The following PSMB9 variants were observed in gnomAD, a reference collection of about 807,000 sequenced individuals.
The protein encoded by PSMB9 is proteasome 20S subunit beta 9.
PSMB9 carries 16 observed loss-of-function variants against 26.9 expected under a neutral mutation model. That is an observed-to-expected ratio of 0.59 (90% CI 0.40 to 0.90). The LOEUF (loss-of-function observed/expected upper bound fraction) is 0.90, where lower values mean the gene tolerates loss of function less well. Ranked by LOEUF, PSMB9 falls within the 40% of genes least tolerant of loss-of-function variation. The pLI, the probability that PSMB9 is intolerant of heterozygous loss-of-function variation, is 0.00. For synonymous variants in PSMB9, 91 were observed against 112.0 expected (o/e 0.81, Z 1.18); for missense variants, 253 against 292.2 (o/e 0.87, Z 0.98).
At position 32,855,569 on chromosome 6, in the gene PSMB9, T is replaced by G. The variant is rs183678271; in HGVS notation, c.61-569T>G. On this transcript the variant is annotated intron_variant, in intron 1 of 5. Transcript: ENST00000374859. ...TCAACCATCTGTATGTGTTCCTTGC[T>G]GCTTCTCTCCTGCCTTGCCCCTGGC... Among the ~76,000 whole-genome samples, 20 of 152,318 alleles carry G rather than the reference T, an allele frequency of 1.3e-4. No homozygotes were observed. The East Asian group carries it at 3.9e-3, about 29-fold the overall frequency.
At chr6:32,857,908 TAC>T in intron 3 of PSMB9, 95 bp from the exon 4 acceptor site, 1 of 1,453,132 alleles carries the variant, frequency 6.9e-7, no homozygotes, top group African/African-American at 1.4e-5. Flanking sequence ...CTATTGCAGT[TAC>T]AGTTTTCAGG....
chr6:32,859,048 T>C lies in PSMB9; in HGVS notation c.533-357T>C, dbSNP rs1477536058. ...GCCTAGGTGACAGAGAGAGACCCTG[T>C]CTGGAGAAAAAAAAAAAAAAAAAGA... is the stretch of plus-strand genomic sequence containing the variant. On this transcript the variant is annotated intron_variant, in intron 5 of 5. Coordinates refer to ENST00000374859, the MANE Select transcript of PSMB9 (RefSeq NM_002800.5). 59 of 181,436 alleles carry C rather than the reference T, an allele frequency of 3.3e-4. 1 individual carries two copies. Among genetic ancestry groups the C allele is most frequent in the Admixed American group, 2.1e-3 (30 of 14,594 alleles). 11.2% of individuals were successfully genotyped at this position (181,436 alleles called of 1,614,324 possible).
rs899595530 is a variant in PSMB9 at position 32,858,354 on chromosome 6, C to T, written c.391-10C>T. 6.2e-7 allele frequency: 1 copy of T among 1,612,784 alleles called. No homozygotes were observed. Among genetic ancestry groups the T allele is most frequent in the Middle Eastern group, 1.7e-4 (1 of 6,004 alleles). On this transcript the variant is annotated splice_polypyrimidine_tract_variant and intron_variant, in intron 4 of 5. Coordinates refer to ENST00000374859, the MANE Select transcript of PSMB9 (RefSeq NM_002800.5). The surrounding 1 kb of genome is among the most constrained non-coding windows in gnomAD (Gnocchi z 5.2). ...TTGATGATTCTTTAACCTGAGGATCCCTTTCCCAGGTATATGGAACCCTGG... is the reference window on the plus strand; with the variant it reads ...TTGATGATTCTTTAACCTGAGGATCTCTTTCCCAGGTATATGGAACCCTGG...
In PSMB9 at chr6:32,858,097, T is replaced by G. The variant is rs775015825; in HGVS notation, c.353T>G (p.Leu118Arg). 3 of 1,613,120 alleles carry G rather than the reference T, an allele frequency of 1.9e-6. No homozygotes were observed. The highest frequency in any genetic ancestry group is 1.7e-6 in the Non-Finnish European group (2 of 1,180,046). ...YKYREDLSAH[L>R]MVAGWDQREG... is the part of the protein sequence containing the mutation. ...TATCGAGAGGACTTGTCTGCACATC[T>G]CATGGTAGCTGGCTGGGACCAACGT... Residue 118 changes from leucine to arginine, a missense_variant, in exon 4 of 6, where the codon CTC becomes CGC. Transcript: ENST00000374859. This position sits in a 1 kb window ranked among gnomAD's most constrained non-coding sequence, Gnocchi z 5.2.
rs769219403 is a variant in PSMB9 at position 32,858,096 on chromosome 6, C to T, written c.352C>T (p.Leu118Phe). Residue 118 changes from leucine (L) to phenylalanine (F), a missense_variant, in exon 4 of 6, where the codon CTC becomes TTC. By Grantham distance (22) the Leu-to-Phe change is conservative. Coordinates refer to ENST00000374859, the MANE Select transcript of PSMB9 (RefSeq NM_002800.5). The surrounding 1 kb of genome is among the most constrained non-coding windows in gnomAD (Gnocchi z 5.2). ...YKYREDLSAHLMVAGWDQREG... is the reference protein window; with the variant it reads ...YKYREDLSAHFMVAGWDQREG... ...ATATCGAGAGGACTTGTCTGCACAT[C>T]TCATGGTAGCTGGCTGGGACCAACG... is the stretch of plus-strand genomic sequence containing the variant. 1.2e-6 allele frequency: 2 copies of T among 1,613,104 alleles called. No homozygotes were observed. Among genetic ancestry groups the T allele is most frequent in the Non-Finnish European group, 8.5e-7 (1 of 1,180,038 alleles).
At position 32,854,699 on chromosome 6, in the gene PSMB9, T is replaced by C. The variant is rs557274801; in HGVS notation, c.60+410T>C. ...GAACAGCACTTGGGAGAAGGAAATA[T>C]AGGCACTTATTGAGAAGGACCAACT... On this transcript the variant is annotated intron_variant, in intron 1 of 5. Coordinates refer to ENST00000374859, the MANE Select transcript of PSMB9 (RefSeq NM_002800.5). This position sits in a 1 kb window ranked among gnomAD's most constrained non-coding sequence, Gnocchi z 4.6. 1.5e-4 allele frequency among the ~76,000 whole-genome samples: 23 copies of C among 152,286 alleles called. No homozygotes were observed. In the South Asian group the frequency reaches 4.4e-3, roughly 29 times the overall value.
At chr6:32,857,714 A>G (rs1041419048) in intron 3 of PSMB9, 3 of 537,838 alleles carry the variant, frequency 5.6e-6, no homozygotes, top group African/African-American at 1.9e-5. Context: ...CATACGAGAA[A>G]TCAAGGTCGT....
At chr6:32,856,335 C>A in intron 2 of PSMB9, 130 bp downstream of exon 2, 1 of 890,696 alleles carries the variant, frequency 1.1e-6, no homozygotes, top group East Asian at 2.5e-5. Flanking sequence ...TCCCCAAAAG[C>A]CACTATGATA....
Position 32,858,610 on chromosome 6 carries a change from A to G in PSMB9, c.532+105A>G. On this transcript the variant is annotated intron_variant, in intron 5 of 5. Transcript: ENST00000374859. The surrounding 1 kb of genome is among the most constrained non-coding windows in gnomAD (Gnocchi z 5.2). Reference sequence around the variant, plus strand: ...AATACAGGGGTGGCCATTTAAGTTAATGCCGGGCCTGGTACACTTTTAAGA... The same window carrying G: ...AATACAGGGGTGGCCATTTAAGTTAGTGCCGGGCCTGGTACACTTTTAAGA... 6.9e-7 allele frequency: 1 copy of G among 1,459,370 alleles called. No individual in the cohort carries two copies. The highest frequency in any genetic ancestry group is 2.3e-5 in the East Asian group (1 of 43,544). 90.4% of individuals were successfully genotyped at this position (1,459,370 alleles called of 1,614,324 possible).
chr6:32,857,338 A>G lies in PSMB9; in HGVS notation c.204A>G (p.Ser68=), dbSNP rs1297953635. 1 of 1,612,718 alleles carries G rather than the reference A, an allele frequency of 6.2e-7. No homozygotes were observed. The highest frequency in any genetic ancestry group is 1.3e-5 in the African/African-American group (1 of 74,886). The change falls in exon 3 of 6, where the codon TCA becomes TCG. Residue 68 remains serine, a synonymous_variant. Transcript: ENST00000374859. ...HERIYCALSG[S]AADAQAVADM... ...GCATCTACTGTGCACTCTCTGGTTC[A>G]GCTGCTGATGCCCAAGCCGTGGCCG...
rs1771043070 is a variant in PSMB9, at chr6:32,854,332, A to T, written c.60+43A>T. 4.2e-6 allele frequency: 6 copies of T among 1,434,390 alleles called. No homozygotes were observed. Among genetic ancestry groups the T allele is most frequent in the South Asian group, 2.9e-5 (2 of 68,494 alleles). 88.9% of individuals were successfully genotyped at this position (1,434,390 alleles called of 1,614,324 possible). A position where few individuals can be genotyped will look rare whatever the true frequency, so the allele number is the denominator to read the frequency against. On this transcript the variant is annotated intron_variant, in intron 1 of 5. Coordinates refer to ENST00000374859, the MANE Select transcript of PSMB9 (RefSeq NM_002800.5). This position sits in a 1 kb window ranked among gnomAD's most constrained non-coding sequence, Gnocchi z 4.6. ...GAGGGTTGGCAGAGGGGTGGAGGAGATGCAGCGGCCAGGGGACCCTGGAAG... is the reference window on the plus strand; with the variant it reads ...GAGGGTTGGCAGAGGGGTGGAGGAGTTGCAGCGGCCAGGGGACCCTGGAAG...
Position 32,854,307 on chromosome 6 carries a change from G to A in PSMB9, c.60+18G>A, listed in dbSNP as rs1207915516. ...ACACCGGGGTAATGGGTCTGGGCTT[G>A]AGGGTTGGCAGAGGGGTGGAGGAGA... On this transcript the variant is annotated intron_variant, in intron 1 of 5. Transcript: ENST00000374859. The surrounding 1 kb of genome is among the most constrained non-coding windows in gnomAD (Gnocchi z 4.6). The A allele has an allele frequency of 6.8e-7, 1 of 1,473,020 alleles. No individual in the cohort carries two copies. The highest frequency in any genetic ancestry group is 9.0e-7 in the Non-Finnish European group (1 of 1,114,036). 91.2% of individuals were successfully genotyped at this position (1,473,020 alleles called of 1,614,324 possible).
In PSMB9 at chr6:32,858,878, C is replaced by A; in HGVS notation, c.532+373C>A. 9 of 299,320 alleles carry A rather than the reference C, an allele frequency of 3.0e-5. No individual in the cohort carries two copies. Among genetic ancestry groups the A allele is most frequent in the South Asian group, 1.8e-4 (5 of 27,840 alleles). The allele number at this position is 299,320 out of a possible 1,614,324, so 18.5% of individuals were successfully genotyped here. ...GGTGAAACCCTGTCTCCACAAAAAA[C>A]AATAAAAAAAAGTAAAAAAAAAAAT... On this transcript the variant is annotated intron_variant, in intron 5 of 5. Coordinates refer to ENST00000374859, the MANE Select transcript of PSMB9 (RefSeq NM_002800.5). The surrounding 1 kb of genome is among the most constrained non-coding windows in gnomAD (Gnocchi z 5.2).
chr6:32,859,237 C>G (rs1343874045), intron 5 of PSMB9, among the ~76,000 whole-genome samples, 168 bp from the exon 6 acceptor site: 1 of 152,118 alleles, frequency 6.6e-6, no homozygotes, highest in Non-Finnish European at 1.5e-5. Context: ...CATATGGAAG[C>G]CTTTTTGTAA....
In PSMB9 at chr6:32,854,269, G is replaced by T. The variant is rs765610201; in HGVS notation, c.40G>T (p.Ala14Ser). The T allele has an allele frequency of 6.6e-7, 1 of 1,522,378 alleles. No individual in the cohort carries two copies. The highest frequency in any genetic ancestry group is 2.3e-5 in the Admixed American group (1 of 44,414). 94.3% of individuals were successfully genotyped at this position (1,522,378 alleles called of 1,614,324 possible). Residue 14 changes from alanine (A) to serine (S), a missense_variant, in exon 1 of 6, where the codon GCG becomes TCG. Ala to Ser is a moderately conservative substitution (Grantham distance 99, BLOSUM62 1). Transcript: ENST00000374859. The surrounding 1 kb of genome is among the most constrained non-coding windows in gnomAD (Gnocchi z 4.6). ...AGAPTGDLPRAGEVHTGTTIM... is the reference protein window; with the variant it reads ...AGAPTGDLPRSGEVHTGTTIM... ...AGCACCAACCGGGGACTTACCCCGG[G>T]CGGGAGAAGTCCACACCGGGGTAAT...
In PSMB9 at chr6:32,858,129, G is replaced by C; in HGVS notation, c.385G>C (p.Gly129Arg). 6.2e-7 allele frequency: 1 copy of C among 1,613,016 alleles called. No individual in the cohort carries two copies. Among genetic ancestry groups the C allele is most frequent in the Non-Finnish European group, 8.5e-7 (1 of 1,180,008 alleles). Residue 129 changes from glycine to arginine, a missense_variant, in exon 4 of 6, where the codon GGT becomes CGT. Coordinates refer to ENST00000374859, the MANE Select transcript of PSMB9 (RefSeq NM_002800.5). This position sits in a 1 kb window ranked among gnomAD's most constrained non-coding sequence, Gnocchi z 5.2. ...AGCTGGCTGGGACCAACGTGAAGGAGGTCAGGTGAGTTTCTCCCAAAGCAC... is the reference window on the plus strand; with the variant it reads ...AGCTGGCTGGGACCAACGTGAAGGACGTCAGGTGAGTTTCTCCCAAAGCAC... ...MVAGWDQREGGQVYGTLGGML... is the reference protein window; with the variant it reads ...MVAGWDQREGRQVYGTLGGML...
rs1485245049 is a variant in PSMB9 at position 32,859,488 on chromosome 6, C to T, written c.616C>T (p.Arg206Ter). The change falls in exon 6 of 6, where the codon CGA becomes TGA. Residue 206 changes from arginine to a stop codon, truncating the protein, a stop_gained. Transcript: ENST00000374859. LOFTEE classifies it high-confidence loss of function. ...TATTACAGCTGCCGGTGTGGACCATCGAGTCATCTTGGGCAATGAACTGCC... is the reference window on the plus strand; with the variant it reads ...TATTACAGCTGCCGGTGTGGACCATTGAGTCATCTTGGGCAATGAACTGCC... ...VTITAAGVDH[R>*]VILGNELPKF... The T allele has an allele frequency of 8.7e-6, 14 of 1,613,556 alleles. No homozygotes were observed. The highest frequency in any genetic ancestry group is 2.2e-5 in the East Asian group (1 of 44,890).
In PSMB9 at chr6:32,859,593, T is replaced by G; in HGVS notation, c.*61T>G. ...AACTCTCTAGGGCCAAAACCTGGTA[T>G]GGTCATTGGGAAATGAGTGCTCAGG... is the stretch of plus-strand genomic sequence containing the variant. On this transcript the variant is annotated 3_prime_UTR_variant, in exon 6 of 6. Transcript: ENST00000374859. The G allele has an allele frequency of 2.5e-6, 4 of 1,572,766 alleles. No individual in the cohort carries two copies. The highest frequency in any genetic ancestry group is 2.6e-6 in the Non-Finnish European group (3 of 1,152,932).
chr6:32,859,348 A>AT, intron 5 of PSMB9, 57 bp from the exon 6 acceptor site: 1 of 1,534,446 alleles, frequency 6.5e-7, no homozygotes, highest in Non-Finnish European at 8.8e-7. Context: ...GAGTAAAAAG[A>AT]TTTTTGAAGC....
Sources: gnomAD v4.1 joint callset for allele counts (sites outside exome capture counted in the v4.1 genomes callset) on GRCh38, gnomAD v4.1.1 for gene constraint, Gnocchi (gnomAD v3.1) non-coding constraint, MANE v1.5 for transcripts, NCBI Gene and HGNC (gene_info 2026-07-23, HGNC 2026-07-21) for gene names.